The following CPPED1 variants were observed in gnomAD, a reference collection of about 807,000 sequenced individuals.
CPPED1 encodes the protein serine/threonine-protein phosphatase CPPED1.
CPPED1 carries 28 observed loss-of-function variants against 28.0 expected under a neutral mutation model. That is an observed-to-expected ratio of 1.00 (90% CI 0.74 to 1.37). The LOEUF (loss-of-function observed/expected upper bound fraction) is 1.37, where lower values mean the gene tolerates loss of function less well. Among genes scored for constraint, CPPED1 ranks in the 40% most tolerant of loss-of-function variants. The pLI, the probability that CPPED1 is intolerant of heterozygous loss-of-function variation, is 0.00. For synonymous variants in CPPED1, 198 were observed against 180.2 expected (o/e 1.10, Z -0.79); for missense variants, 504 against 416.5 (o/e 1.21, Z -1.83).
At chr16:12,778,692 T>G (rs2080512573) in intron 2 of CPPED1, among the ~76,000 whole-genome samples, 1 of 152,246 alleles carries the variant, frequency 6.6e-6, no homozygotes, top group Non-Finnish European at 1.5e-5. Flanking sequence ...AATAATTACT[T>G]TCTAGTGTCT....
intron 3 of CPPED1, among the ~76,000 whole-genome samples, chr16:12,696,730 G>A (rs1193260316): frequency 3.3e-5 from 5 of 152,006 alleles, no homozygotes; most frequent in South Asian, 2.1e-4. Flanking sequence ...GGTGTGAGCC[G>A]CTGCGCCTGG....
intron 1 of CPPED1, among the ~76,000 whole-genome samples, chr16:12,795,073 T>C (rs376051085): frequency 2.0e-5 from 3 of 152,230 alleles, no homozygotes; most frequent in South Asian, 2.1e-4. Context: ...GGATATTTGC[T>C]GTTATTTTTT....
intron 1 of CPPED1, among the ~76,000 whole-genome samples, chr16:12,783,268 C>T (rs578229470): frequency 2.0e-5 from 3 of 152,232 alleles, no homozygotes; most frequent in East Asian, 1.9e-4. Flanking sequence ...GAGGCCAAGG[C>T]GGGCAGATTA....
At chr16:12,704,526 C>G (rs2080037308) in intron 3 of CPPED1, 98 bp downstream of exon 3, 3 of 1,301,970 alleles carry the variant, frequency 2.3e-6, no homozygotes, top group Admixed American at 4.4e-5. Context: ...AGTCCTCTCT[C>G]CCTTTTTGAC....
rs530068481 is a variant in CPPED1, at chr16:12,748,292, C to T, written c.289+32893G>A. ...CTCTACAACAATGAAAATAAATGAA[C>T]TAGAATGATCCATATGAATGATCCA... On this transcript the variant is annotated intron_variant, in intron 2 of 3. Coordinates refer to ENST00000381774, the MANE Select transcript of CPPED1 (RefSeq NM_018340.3). 3.9e-5 allele frequency among the ~76,000 whole-genome samples: 6 copies of T among 152,186 alleles called. No homozygotes were observed. The East Asian group carries it at 9.7e-4, about 24-fold the overall frequency.
chr16:12,685,115 C>A (rs551291734), intron 3 of CPPED1, among the ~76,000 whole-genome samples: 1 of 152,224 alleles, frequency 6.6e-6, no homozygotes, highest in Non-Finnish European at 1.5e-5. Flanking sequence ...AGCGACTGCA[C>A]CTCGCTGTAC....
chr16:12,801,981 G>A (rs1045476628), intron 1 of CPPED1, among the ~76,000 whole-genome samples: 1 of 152,160 alleles, frequency 6.6e-6, no homozygotes, highest in Admixed American at 6.5e-5. Flanking sequence ...GAGGAAGACA[G>A]CCAGGCGAGG....
intron 2 of CPPED1, among the ~76,000 whole-genome samples, chr16:12,705,849 T>G (rs1322224329): frequency 6.6e-6 from 1 of 152,214 alleles, no homozygotes; most frequent in East Asian, 1.9e-4. Context: ...TTCCTCATAT[T>G]TCTACTCAAT....
chr16:12,796,518 C>A (rs537808762), intron 1 of CPPED1, among the ~76,000 whole-genome samples: 1 of 151,946 alleles, frequency 6.6e-6, no homozygotes, highest in East Asian at 1.9e-4. Context: ...AAAAAACTCA[C>A]AATGAGATAC....
In CPPED1 at chr16:12,740,444, C is replaced by CAA. The variant is rs1237046217; in HGVS notation, c.290-35397_290-35396dup. On this transcript the variant is annotated intron_variant, in intron 2 of 3. Coordinates refer to ENST00000381774, the MANE Select transcript of CPPED1 (RefSeq NM_018340.3). Reference sequence around the variant, plus strand: ...TGGGCAACAGAACGAGACTCTGCCTCAAAAAAAAAAAAAAAAGCTACTTTT... The same window carrying CAA: ...TGGGCAACAGAACGAGACTCTGCCTCAAAAAAAAAAAAAAAAAAGCTACTTTT... Among the ~76,000 whole-genome samples, 427 of 100,296 alleles carry CAA rather than the reference C, an allele frequency of 4.3e-3. 5 individuals are homozygous for CAA. The highest frequency in any genetic ancestry group is 0.026 in the East Asian group (93 of 3,534). 65.8% of individuals were successfully genotyped at this position (100,296 alleles called of 152,430 possible). A position where few individuals can be genotyped will look rare whatever the true frequency, so the allele number is the denominator to read the frequency against.
rs1231341169 is a variant in CPPED1, at chr16:12,663,166, A to T, written c.*1720T>A. ...AACCTCTGCCTCCTGAGTTCCAGCG[A>T]TCTCCTGCCTCAGCCTCCCGAGTAG... On this transcript the variant is annotated 3_prime_UTR_variant, in exon 4 of 4. Coordinates refer to ENST00000381774, the MANE Select transcript of CPPED1 (RefSeq NM_018340.3). 1 of 151,316 alleles carries T rather than the reference A, an allele frequency of 6.6e-6. No homozygotes were observed. The highest frequency in any genetic ancestry group is 6.6e-5 in the Admixed American group (1 of 15,142). The allele number at this position is 151,316 out of a possible 1,614,324, so 9.4% of individuals were successfully genotyped here. A position where few individuals can be genotyped will look rare whatever the true frequency, so the allele number is the denominator to read the frequency against.
chr16:12,721,469 G>A (rs535889228), intron 2 of CPPED1, among the ~76,000 whole-genome samples: 119 of 152,116 alleles, frequency 7.8e-4, no homozygotes, highest in African/African-American at 2.6e-3. Flanking sequence ...AAAGGAGGCC[G>A]GGGCTGGGCA....
intron 2 of CPPED1, among the ~76,000 whole-genome samples, chr16:12,777,765 A>G (rs1210631665): frequency 1.3e-5 from 2 of 152,094 alleles, no homozygotes; most frequent in African/African-American, 4.8e-5. Context: ...TTACATCCAT[A>G]GCATCTAACA....
intron 2 of CPPED1, among the ~76,000 whole-genome samples, chr16:12,739,205 G>T (rs2080241832): frequency 6.6e-6 from 1 of 152,178 alleles, no homozygotes; most frequent in Non-Finnish European, 1.5e-5. Flanking sequence ...AGAGAGACTG[G>T]CTTGCCCTGG....
intron 1 of CPPED1, among the ~76,000 whole-genome samples, chr16:12,801,600 T>C (rs1024132142): frequency 6.6e-6 from 1 of 152,006 alleles, no homozygotes; most frequent in African/African-American, 2.4e-5. Flanking sequence ...ACATAGCTTG[T>C]AGGTATATGC....
chr16:12,800,431 CAAA>C (rs11303196), intron 1 of CPPED1, among the ~76,000 whole-genome samples: 12 of 90,270 alleles, frequency 1.3e-4, no homozygotes, highest in Non-Finnish European at 1.5e-4. Flanking sequence ...GACTCTGTCT[CAAA>C]AAAAAAAAAA....
chr16:12,691,184 G>C (rs1400330368), intron 3 of CPPED1, among the ~76,000 whole-genome samples: 1 of 152,256 alleles, frequency 6.6e-6, no homozygotes, highest in Non-Finnish European at 1.5e-5. Context: ...CCACGCTGCA[G>C]TTTCCTTGTC....
intron 3 of CPPED1, among the ~76,000 whole-genome samples, chr16:12,683,592 G>C (rs2079917349): frequency 6.6e-6 from 1 of 152,126 alleles, no homozygotes; most frequent in Non-Finnish European, 1.5e-5. Context: ...CCTCGTGTGG[G>C]TTTAACTGGA....
chr16:12,773,783 G>A (rs2080482759), intron 2 of CPPED1, among the ~76,000 whole-genome samples: 1 of 152,146 alleles, frequency 6.6e-6, no homozygotes, highest in South Asian at 2.1e-4. Flanking sequence ...GTCTGTCTCA[G>A]CCACCCACGT....
Sources: allele counts gnomAD v4.1 joint callset (sites outside exome capture counted in the v4.1 genomes callset), GRCh38; gene constraint gnomAD v4.1.1; transcripts MANE v1.5; gene names NCBI Gene and HGNC (gene_info 2026-07-23, HGNC 2026-07-21).